Variants in TRANK1 observed in about 807,000 individuals in gnomAD.
TRANK1 encodes TPR and ankyrin repeat-containing protein 1.
A neutral mutation model predicts 266.0 loss-of-function variants in TRANK1; 198 were observed. The observed-to-expected ratio is 0.74, with a 90% CI of 0.66 to 0.84. The LOEUF (loss-of-function observed/expected upper bound fraction) is 0.84. Ranked by LOEUF, TRANK1 falls within the 40% of genes least tolerant of loss-of-function variation. The probability of loss-of-function intolerance (pLI) is 0.00; values close to 1 mark genes in which losing one functional copy is unlikely to be tolerated. For missense variants in TRANK1, 3,326 were observed against 3,634.6 expected, an observed-to-expected ratio of 0.92 and a Z score of 2.18; for synonymous variants, 1,396 against 1,384.1, an observed-to-expected ratio of 1.01 and a Z score of -0.19.
chr3:36,852,664 G>A (rs1182550563), intron 13 of TRANK1, among the ~76,000 whole-genome samples: 1 of 151,622 alleles, frequency 6.6e-6, no homozygotes, highest in African/African-American at 2.4e-5. Context: ...TGAGACCTCA[G>A]GAGGCTGAGG....
intron 13 of TRANK1, 114 bp downstream of exon 13, chr3:36,855,059 T>C (rs2079032985): frequency 6.2e-6 from 6 of 970,514 alleles, no homozygotes; most frequent in Non-Finnish European, 7.5e-6. Flanking sequence ...AATTCCAAAA[T>C]ACTACCCTTA....
intron 1 of TRANK1, among the ~76,000 whole-genome samples, chr3:36,942,951 C>T (rs2080517128): frequency 6.6e-6 from 1 of 151,622 alleles, no homozygotes. Flanking sequence ...CAGGCAGAAG[C>T]GGGTGGATCA....
intron 9 of TRANK1, among the ~76,000 whole-genome samples, chr3:36,870,706 G>A (rs2079294980): frequency 6.6e-6 from 1 of 152,120 alleles, no homozygotes; most frequent in South Asian, 2.1e-4. Flanking sequence ...AGGCTACCTG[G>A]TAAGCCAAAT....
chr3:36,875,008 CAAAA>C (rs112705869), intron 8 of TRANK1, among the ~76,000 whole-genome samples: 1 of 129,492 alleles, frequency 7.7e-6, no homozygotes, highest in Admixed American at 7.8e-5. Flanking sequence ...CCCACTTTAC[CAAAA>C]AAAAAAAAAA....
intron 1 of TRANK1, among the ~76,000 whole-genome samples, chr3:36,936,434 T>A (rs974461628): frequency 3.3e-5 from 5 of 151,388 alleles, no homozygotes; most frequent in African/African-American, 1.2e-4. Context: ...TGCAGTGAGC[T>A]GTGATCACAC....
chr3:36,850,208 GA>G (rs947133088), intron 15 of TRANK1: 2 of 985,082 alleles, frequency 2.0e-6, no homozygotes, highest in Non-Finnish European at 2.4e-6. Flanking sequence ...TGTATCATTA[GA>G]AAAAAAAGTT....
intron 6 of TRANK1, 39 bp from the exon 7 acceptor site, chr3:36,892,379 A>G (rs1424576111): frequency 6.5e-7 from 1 of 1,535,538 alleles, no homozygotes; most frequent in Non-Finnish European, 8.7e-7. Context: ...TATGGAAGTC[A>G]CTAATCAATA....
intron 15 of TRANK1, chr3:36,850,071 T>G: frequency 1.0e-6 from 1 of 985,452 alleles, no homozygotes; most frequent in African/African-American, 1.7e-5. Flanking sequence ...TTACAGATCC[T>G]TAAGTCCAGA....
At chr3:36,869,533 G>A (rs563435634) in intron 9 of TRANK1, among the ~76,000 whole-genome samples, 2 of 152,316 alleles carry the variant, frequency 1.3e-5, no homozygotes, top group East Asian at 1.9e-4. Context: ...GCTCCCTAGC[G>A]GCAGCTCTTC....
In TRANK1 at chr3:36,838,663, G is replaced by A. The variant is rs1029098933; in HGVS notation, c.5334C>T (p.Ala1778=). ...KGGAFEKEKL[A]LAHDTALSMK... is the part of the protein sequence containing the mutation. ...TGCTCAGGGCAGTGTCATGGGCCAG[G>A]GCCAACTTCTCCTTCTCAAATGCAC... Residue 1778 remains alanine, a synonymous_variant, in exon 19 of 24, where the codon GCC becomes GCT. Coordinates refer to ENST00000645898, the MANE Select transcript of TRANK1 (RefSeq NM_001329998.2). The A allele has an allele frequency of 1.2e-6, 2 of 1,613,878 alleles. No individual in the cohort carries two copies. The highest frequency in any genetic ancestry group is 1.7e-6 in the Non-Finnish European group (2 of 1,179,852).
intron 15 of TRANK1, 81 bp from the exon 16 acceptor site, chr3:36,847,427 C>T (rs2125529410): frequency 6.6e-7 from 1 of 1,508,146 alleles, no homozygotes; most frequent in Non-Finnish European, 9.0e-7. Context: ...TCATGGAAAA[C>T]TAAGCCTCAT....
chr3:36,929,021 TC>T (rs1169325727), intron 1 of TRANK1, among the ~76,000 whole-genome samples: 2 of 152,010 alleles, frequency 1.3e-5, no homozygotes, highest in Admixed American at 1.3e-4. Context: ...AAGAGAAGTA[TC>T]AAGAGGGAAT....
At chr3:36,865,016 TTTTTTTGG>T (rs1559438866) in intron 9 of TRANK1, among the ~76,000 whole-genome samples, 1 of 140,442 alleles carries the variant, frequency 7.1e-6, no homozygotes, top group African/African-American at 2.6e-5. Context: ...GGTTTTTTTG[TTTTTTTGG>T]TTTTTTTTTT....
intron 2 of TRANK1, 45 bp downstream of exon 2, chr3:36,908,278 C>T: frequency 8.1e-7 from 1 of 1,231,858 alleles, no homozygotes; most frequent in Non-Finnish European, 1.0e-6. Flanking sequence ...AACAGAGTCC[C>T]ATGTACTGAA....
At chr3:36,878,746 G>C (rs1472158227) in intron 8 of TRANK1, among the ~76,000 whole-genome samples, 1 of 145,148 alleles carries the variant, frequency 6.9e-6, no homozygotes, top group Non-Finnish European at 1.5e-5. Context: ...ACCTGCAAAA[G>C]TACCCCCCCC....
At chr3:36,917,367 A>G (rs2080140980) in intron 1 of TRANK1, among the ~76,000 whole-genome samples, 1 of 152,220 alleles carries the variant, frequency 6.6e-6, no homozygotes, top group Non-Finnish European at 1.5e-5. Context: ...AAAGAAATAT[A>G]TTCTATAGGA....
Position 36,856,585 on chromosome 3 carries a change from G to T in TRANK1, c.3137C>A (p.Ala1046Asp). 1.2e-6 allele frequency: 2 copies of T among 1,614,014 alleles called. No individual in the cohort carries two copies. Among genetic ancestry groups the T allele is most frequent in the Non-Finnish European group, 1.7e-6 (2 of 1,179,884 alleles). ...CACCCGGAAGGGGTACTCCACTGTG[G>T]CTGTCGTGTCATTGAGGATGTTAAA... is the stretch of plus-strand genomic sequence containing the variant. ...MAFNILNDTTATVEYPFRVGE... is the reference protein window; with the variant it reads ...MAFNILNDTTDTVEYPFRVGE... Residue 1046 changes from alanine to aspartate, a missense_variant, in exon 13 of 24, where the codon GCC becomes GAC. Coordinates refer to ENST00000645898, the MANE Select transcript of TRANK1 (RefSeq NM_001329998.2).
intron 5 of TRANK1, among the ~76,000 whole-genome samples, chr3:36,893,842 C>T (rs2079747137): frequency 2.6e-5 from 4 of 152,072 alleles, no homozygotes; most frequent in Non-Finnish European, 4.4e-5. Context: ...GAACTGAGCC[C>T]ATGGCCACAT....
intron 8 of TRANK1, among the ~76,000 whole-genome samples, chr3:36,879,871 C>T (rs144977137): frequency 0.28 from 4,769 of 16,964 alleles, 949 homozygotes; most frequent in East Asian, 0.39. Flanking sequence ...TATATGTAAA[C>T]ATACAAATAT....
Sources: gnomAD v4.1 joint callset for allele counts (sites outside exome capture counted in the v4.1 genomes callset) on GRCh38, gnomAD v4.1.1 for gene constraint, MANE v1.5 for transcripts, NCBI Gene and HGNC (gene_info 2026-07-23, HGNC 2026-07-21) for gene names.